MARCHF1: variants seen among roughly 807,000 people sequenced by gnomAD.
MARCHF1 encodes membrane associated ring-CH-type finger 1.
In MARCHF1, 40 loss-of-function variants were observed where a neutral mutation model predicts 54.2. The observed-to-expected ratio is 0.74, with a 90% CI of 0.57 to 0.96. MARCHF1 has a LOEUF of 0.96. Ranked by LOEUF, MARCHF1 falls within the 40% of genes least tolerant of loss-of-function variation. The pLI is 0.00. For synonymous variants in MARCHF1, 236 were observed against 236.3 expected (o/e 1.00, Z 0.01); for missense variants, 586 against 656.5 (o/e 0.89, Z 1.17).
At chr4:163,754,317 C>T (rs1179111296) in intron 4 of MARCHF1, among the ~76,000 whole-genome samples, 1 of 152,118 alleles carries the variant, frequency 6.6e-6, no homozygotes, top group Admixed American at 6.5e-5. Flanking sequence ...GGGCTTCTCC[C>T]CTTTCAGATC....
intron 4 of MARCHF1, among the ~76,000 whole-genome samples, chr4:163,792,232 T>C (rs1157128843): frequency 2.6e-5 from 4 of 152,336 alleles, no homozygotes; most frequent in Non-Finnish European, 5.9e-5. Context: ...ACGTTTGTCT[T>C]CACGTTCTTT....
rs1738215804 is a variant in MARCHF1, at chr4:163,528,425, A to G, written c.*323T>C. The G allele has an allele frequency of 3.9e-6, 1 of 255,070 alleles. No homozygotes were observed. Among genetic ancestry groups the G allele is most frequent in the Admixed American group, 4.9e-5 (1 of 20,280 alleles). The allele number at this position is 255,070 out of a possible 1,614,324, so 15.8% of individuals were successfully genotyped here. On this transcript the variant is annotated 3_prime_UTR_variant, in exon 10 of 10. Transcript: ENST00000514618. The stretch of plus-strand genomic sequence containing the variant: ...GAACTTTTCCCCTGTTACTGTGAAG[A>G]AGAGTATCATGGGTCCATTTAATCT...
intron 4 of MARCHF1, among the ~76,000 whole-genome samples, chr4:163,728,211 C>A (rs1270865659): frequency 6.6e-6 from 1 of 152,138 alleles, no homozygotes; most frequent in African/African-American, 2.4e-5. Context: ...CAATTTTTAT[C>A]ACCCCCTTTT....
chr4:164,227,121 A>G (rs935177158), intron 1 of MARCHF1, among the ~76,000 whole-genome samples: 2 of 152,128 alleles, frequency 1.3e-5, no homozygotes, highest in Non-Finnish European at 2.9e-5. Flanking sequence ...GAAATACCAG[A>G]GTCTGAGTAA....
intron 1 of MARCHF1, among the ~76,000 whole-genome samples, chr4:164,333,797 C>A (rs1461416060): frequency 1.3e-5 from 2 of 152,196 alleles, no homozygotes; most frequent in Non-Finnish European, 2.9e-5. Flanking sequence ...AGGCCAAACG[C>A]TAGGTGTATT....
intron 5 of MARCHF1, among the ~76,000 whole-genome samples, chr4:163,665,728 G>A (rs1743510608): frequency 6.6e-6 from 1 of 152,068 alleles, no homozygotes; most frequent in Non-Finnish European, 1.5e-5. Context: ...TCTGACCACT[G>A]CCATCTACTG....
At chr4:164,030,894 G>T (rs575872061) in intron 2 of MARCHF1, among the ~76,000 whole-genome samples, 2 of 152,176 alleles carry the variant, frequency 1.3e-5, no homozygotes, top group Non-Finnish European at 2.9e-5. Context: ...TCTATTGTTG[G>T]TGTATAGGAA....
At chr4:163,903,331 C>T (rs1579380059) in intron 3 of MARCHF1, among the ~76,000 whole-genome samples, 2 of 152,050 alleles carry the variant, frequency 1.3e-5, no homozygotes, top group African/African-American at 4.8e-5. Flanking sequence ...TCTACTGCAG[C>T]TTATCTCAAG....
intron 8 of MARCHF1, among the ~76,000 whole-genome samples, chr4:163,546,631 T>A (rs2110922284): frequency 6.6e-6 from 1 of 152,308 alleles, no homozygotes; most frequent in East Asian, 1.9e-4. Context: ...ACAAATTTTA[T>A]CACTTGGGCG....
intron 3 of MARCHF1, chr4:163,932,682 A>G: frequency 2.0e-6 from 1 of 502,570 alleles, no homozygotes; most frequent in Non-Finnish European, 3.9e-6. Context: ...TGGGGGCTGC[A>G]GGTCCACCTG....
chr4:163,821,110 T>C (rs1748680618), intron 4 of MARCHF1, among the ~76,000 whole-genome samples: 1 of 152,074 alleles, frequency 6.6e-6, no homozygotes, highest in African/African-American at 2.4e-5. Context: ...TAGGCTTTTA[T>C]ACACACTTTA....
At position 164,206,877 on chromosome 4, in the gene MARCHF1, CT is replaced by C. The variant is rs200065890; in HGVS notation, c.-322-95216del. The stretch of plus-strand genomic sequence containing the variant: ...TAAATCAATAACAAAGGAAAAAACT[CT>C]GTAAACAGTAGAGAAAAACCAAGTT... On this transcript the variant is annotated intron_variant, in intron 1 of 9. Coordinates refer to ENST00000514618, the MANE Select transcript of MARCHF1 (RefSeq NM_001394959.1). Among the ~76,000 whole-genome samples the C allele has an allele frequency of 8.0e-3, 1,215 of 151,930 alleles. 14 individuals are homozygous for C. The highest frequency in any genetic ancestry group is 0.028 in the African/African-American group (1,154 of 41,506).
At chr4:163,887,239 GGAGGA>G (rs954032668) in intron 3 of MARCHF1, among the ~76,000 whole-genome samples, 20 of 152,006 alleles carry the variant, frequency 1.3e-4, no homozygotes, top group African/African-American at 4.8e-4. Context: ...GTATGATTGG[GGAGGA>G]GAGGGGACAT....
rs146505246 is a variant in MARCHF1, at chr4:164,160,488, C to T, written c.-322-48826G>A. Among the ~76,000 whole-genome samples the T allele has an allele frequency of 2.3e-3, 355 of 152,230 alleles. 1 individual carries two copies. Among genetic ancestry groups the T allele is most frequent in the African/African-American group, 7.5e-3 (311 of 41,554 alleles). ...GTATGTTGCTGACCATAGGTCATCA[C>T]GTGGCACATGACTGTATGCTAAAAT... is the stretch of plus-strand genomic sequence containing the variant. On this transcript the variant is annotated intron_variant, in intron 1 of 9. Coordinates refer to ENST00000514618, the MANE Select transcript of MARCHF1 (RefSeq NM_001394959.1).
intron 2 of MARCHF1, among the ~76,000 whole-genome samples, chr4:164,045,999 A>G (rs1754234280): frequency 6.6e-6 from 1 of 152,176 alleles, no homozygotes; most frequent in Non-Finnish European, 1.5e-5. Flanking sequence ...CAGAAACAAA[A>G]GAAAGTTTCT....
At chr4:164,248,234 T>G (rs1733017587) in intron 1 of MARCHF1, among the ~76,000 whole-genome samples, 1 of 152,036 alleles carries the variant, frequency 6.6e-6, no homozygotes, top group African/African-American at 2.4e-5. Context: ...GGTTATGTGG[T>G]TTCATGAGTT....
At chr4:163,722,177 A>C (rs994962907) in intron 4 of MARCHF1, among the ~76,000 whole-genome samples, 1 of 151,980 alleles carries the variant, frequency 6.6e-6, no homozygotes, top group African/African-American at 2.4e-5. Context: ...AGTGCTATAA[A>C]TTTCCCTCTA....
At position 164,220,605 on chromosome 4, in the gene MARCHF1, T is replaced by C. The variant is rs1056081234; in HGVS notation, c.-322-108943A>G. On this transcript the variant is annotated intron_variant, in intron 1 of 9. Coordinates refer to ENST00000514618, the MANE Select transcript of MARCHF1 (RefSeq NM_001394959.1). ...ATATGATATATGTATATATGTAATA[T>C]ATATGCTATATATGCATATATGTAA... Among the ~76,000 whole-genome samples, 7 of 145,716 alleles carry C rather than the reference T, an allele frequency of 4.8e-5. No homozygotes were observed. The South Asian group carries it at 6.5e-4, about 13-fold the overall frequency.
chr4:164,132,340 T>C (rs1756318366), intron 1 of MARCHF1, among the ~76,000 whole-genome samples: 1 of 152,162 alleles, frequency 6.6e-6, no homozygotes, highest in Non-Finnish European at 1.5e-5. Context: ...ATTCCAAATT[T>C]GTGATTTTTA....
Sources: gnomAD v4.1 joint callset for allele counts (sites outside exome capture counted in the v4.1 genomes callset) on GRCh38, gnomAD v4.1.1 for gene constraint, MANE v1.5 for transcripts, NCBI Gene and HGNC (gene_info 2026-07-23, HGNC 2026-07-21) for gene names.